ITGA8: variants seen among roughly 807,000 people sequenced by gnomAD.
The protein encoded by ITGA8 is integrin subunit alpha 8.
ITGA8 carries 91 observed loss-of-function variants against 142.3 expected under a neutral mutation model. The ratio of observed to expected loss-of-function variants is 0.64; its 90% CI spans 0.54 to 0.76. The LOEUF (loss-of-function observed/expected upper bound fraction) is 0.76, where lower values mean the gene tolerates loss of function less well. Ranked by LOEUF, ITGA8 falls within the 30% of genes least tolerant of loss-of-function variation. The pLI is 0.00. For synonymous variants in ITGA8, 505 were observed against 485.2 expected, an observed-to-expected ratio of 1.04 and a Z score of -0.54; for missense variants, 1,406 against 1,327.7, an observed-to-expected ratio of 1.06 and a Z score of -0.92.
At chr10:15,707,675 TA>T (rs1835284659) in intron 2 of ITGA8, among the ~76,000 whole-genome samples, 2 of 151,642 alleles carry the variant, frequency 1.3e-5, no homozygotes, top group South Asian at 4.2e-4. Context: ...ATACAAAAAT[TA>T]GCCATGTGTG....
chr10:15,673,785 A>G (rs2131689186), intron 6 of ITGA8, among the ~76,000 whole-genome samples: 1 of 152,326 alleles, frequency 6.6e-6, no homozygotes, highest in Admixed American at 6.5e-5. Context: ...AGAGAAATCC[A>G]TGGGCACCAA....
chr10:15,637,766 T>C (rs919437391), intron 13 of ITGA8, among the ~76,000 whole-genome samples: 6 of 151,966 alleles, frequency 3.9e-5, no homozygotes, highest in African/African-American at 1.4e-4. Context: ...GTATTGGGAT[T>C]ACAGGCATGA....
intron 13 of ITGA8, among the ~76,000 whole-genome samples, chr10:15,619,477 A>G (rs538232694): frequency 5.3e-5 from 8 of 152,318 alleles, no homozygotes; most frequent in Admixed American, 1.3e-4. Context: ...AGAGCTCCAT[A>G]TTCATGGCAT....
intron 27 of ITGA8, among the ~76,000 whole-genome samples, chr10:15,537,033 T>C (rs1320327914): frequency 6.6e-6 from 1 of 152,194 alleles, no homozygotes; most frequent in African/African-American, 2.4e-5. Context: ...GGCAAAACTT[T>C]CACCTGTAAA....
At position 15,515,407 on chromosome 10, in the gene ITGA8, C is replaced by T. The variant is rs896435; in HGVS notation, c.*1751G>A. 0.52 allele frequency: 78,559 copies of T among 152,106 alleles called. 24,299 individuals are homozygous for T. Among genetic ancestry groups the T allele is most frequent in the Middle Eastern group, 0.7 (205 of 292 alleles). The allele number at this position is 152,106 out of a possible 1,614,324, so 9.4% of individuals were successfully genotyped here. A position where few individuals can be genotyped will look rare whatever the true frequency, so the allele number is the denominator to read the frequency against. On this transcript the variant is annotated 3_prime_UTR_variant, in exon 30 of 30. Transcript: ENST00000378076. Reference sequence around the variant, plus strand: ...TGCTCGTCCATGTGCCTTTCATTTGCTCCTCAATGAAGTTCCGCAGCTGTA... The same window carrying T: ...TGCTCGTCCATGTGCCTTTCATTTGTTCCTCAATGAAGTTCCGCAGCTGTA...
At chr10:15,687,887 A>C (rs747226118) in intron 3 of ITGA8, 51 bp downstream of exon 3, 8 of 1,041,238 alleles carry the variant, frequency 7.7e-6, no homozygotes, top group Admixed American at 1.7e-5. Flanking sequence ...AAAACATTCC[A>C]GTGCACACCA....
At chr10:15,677,457 A>G in intron 6 of ITGA8, 135 bp downstream of exon 6, 1 of 667,972 alleles carries the variant, frequency 1.5e-6, no homozygotes, top group East Asian at 2.8e-5. Flanking sequence ...AAAAAGAAAT[A>G]ACGCTTCATT....
intron 11 of ITGA8, among the ~76,000 whole-genome samples, chr10:15,647,495 G>A (rs1444825777): frequency 1.7e-5 from 2 of 120,430 alleles, no homozygotes; most frequent in East Asian, 2.5e-4. Flanking sequence ...TCGCTCTGTC[G>A]CCCAGGCCGG....
intron 28 of ITGA8, among the ~76,000 whole-genome samples, chr10:15,523,565 T>C (rs1482750972): frequency 6.6e-6 from 1 of 152,068 alleles, no homozygotes; most frequent in Non-Finnish European, 1.5e-5. Flanking sequence ...GAAATTCTCA[T>C]CATCAAAACT....
In ITGA8 at chr10:15,516,960, C is replaced by A; in HGVS notation, c.*198G>T. 2.2e-6 allele frequency: 1 copy of A among 457,056 alleles called. No individual in the cohort carries two copies. The highest frequency in any genetic ancestry group is 3.9e-6 in the Non-Finnish European group (1 of 256,462). The allele number at this position is 457,056 out of a possible 1,614,324, so 28.3% of individuals were successfully genotyped here. A position where few individuals can be genotyped will look rare whatever the true frequency, so the allele number is the denominator to read the frequency against. On this transcript the variant is annotated 3_prime_UTR_variant, in exon 30 of 30. Coordinates refer to ENST00000378076, the MANE Select transcript of ITGA8 (RefSeq NM_003638.3). The stretch of plus-strand genomic sequence containing the variant: ...ATGGCTTCTCCAGCTTTGGTGTTTC[C>A]TTTTCCAACAGGGCTCACTGGGCAC...
intron 26 of ITGA8, among the ~76,000 whole-genome samples, chr10:15,554,105 TC>T (rs1397143840): frequency 6.6e-6 from 1 of 152,204 alleles, no homozygotes; most frequent in African/African-American, 2.4e-5. Context: ...TAAATTATTA[TC>T]AGAGTTTTAA....
chr10:15,597,276 C>G lies in ITGA8; in HGVS notation c.2142G>C (p.Glu714Asp), dbSNP rs773243731. ...TCCTGGTTACATTTTCCATCTTGTA[C>G]TCACAGCTCAGTGGTCGAAATCCCT... ...NNKGFRPLSCEYKMENVTRMV... is the reference protein window; with the variant it reads ...NNKGFRPLSCDYKMENVTRMV... Residue 714 changes from glutamate (E) to aspartate (D), a missense_variant, in exon 21 of 30, where the codon GAG (glutamate) becomes GAC (aspartate). By Grantham distance (45) the Glu-to-Asp change is conservative. Transcript: ENST00000378076. 6.2e-7 allele frequency: 1 copy of G among 1,614,038 alleles called. No homozygotes were observed. Among genetic ancestry groups the G allele is most frequent in the African/African-American group, 1.3e-5 (1 of 75,024 alleles).
At chr10:15,603,275 A>G (rs1161327048) in intron 20 of ITGA8, among the ~76,000 whole-genome samples, 1 of 152,238 alleles carries the variant, frequency 6.6e-6, no homozygotes. Flanking sequence ...ACATCTGTTT[A>G]GAAGAATTAC....
At chr10:15,541,297 C>G (rs1833564286) in intron 27 of ITGA8, among the ~76,000 whole-genome samples, 1 of 152,222 alleles carries the variant, frequency 6.6e-6, no homozygotes, top group Non-Finnish European at 1.5e-5. Context: ...CTGAATGAAG[C>G]CAAGAATGCT....
chr10:15,521,685 G>C lies in ITGA8; in HGVS notation c.2983-2273C>G, dbSNP rs186133511. ...TATCTTTATTTCATCTGACACATCA[G>C]TGTGAAGCATGACAGTCCATCACCA... On this transcript the variant is annotated intron_variant, in intron 28 of 29. Transcript: ENST00000378076. Among the ~76,000 whole-genome samples the C allele has an allele frequency of 5.5e-3, 843 of 152,268 alleles. 4 individuals are homozygous for C. Among genetic ancestry groups the C allele is most frequent in the Non-Finnish European group, 8.2e-3 (558 of 68,028 alleles).
intron 8 of ITGA8, among the ~76,000 whole-genome samples, chr10:15,661,229 T>A (rs1417659): frequency 6.6e-6 from 1 of 152,108 alleles, no homozygotes; most frequent in East Asian, 1.9e-4. Flanking sequence ...GGTGGCATTA[T>A]GTTCTCACCA....
chr10:15,675,289 G>A (rs1834606136), intron 6 of ITGA8, among the ~76,000 whole-genome samples: 1 of 152,098 alleles, frequency 6.6e-6, no homozygotes, highest in East Asian at 1.9e-4. Flanking sequence ...CCCTCTCCAG[G>A]CCACTCTAAA....
intron 17 of ITGA8, 63 bp from the exon 18 acceptor site, chr10:15,606,485 CAA>C (rs1450018050): frequency 6.7e-7 from 1 of 1,499,504 alleles, no homozygotes; most frequent in South Asian, 1.2e-5. Context: ...TGTCAGTCTG[CAA>C]AAGTCAGGCA....
chr10:15,570,610 C>CAAA (rs931457896), intron 25 of ITGA8, among the ~76,000 whole-genome samples: 77 of 39,672 alleles, frequency 1.9e-3, no homozygotes, highest in African/African-American at 2.8e-3. Flanking sequence ...AACTCCATCT[C>CAAA]AAAAAAAAAA....
Sources: gnomAD v4.1 joint callset for allele counts (sites outside exome capture counted in the v4.1 genomes callset) on GRCh38, gnomAD v4.1.1 for gene constraint, MANE v1.5 for transcripts, NCBI Gene and HGNC (gene_info 2026-07-23, HGNC 2026-07-21) for gene names.